The following PKNOX2 variants were observed in gnomAD, a reference collection of about 807,000 sequenced individuals.
The protein encoded by PKNOX2 is homeobox protein PKNOX2.
Under a neutral mutation model 53.1 loss-of-function variants are expected in PKNOX2, and 14 were observed. That is an observed-to-expected ratio of 0.26 (90% confidence interval 0.17 to 0.41). The LOEUF (loss-of-function observed/expected upper bound fraction) is 0.41. PKNOX2 is among the 10% of genes least tolerant of loss of function. The probability of loss-of-function intolerance (pLI) is 1.00; values close to 1 mark genes in which losing one functional copy is unlikely to be tolerated. For synonymous variants in PKNOX2, 257 were observed against 242.8 expected (o/e 1.06, Z -0.54); for missense variants, 496 against 602.8 (o/e 0.82, Z 1.85).
chr11:125,209,769 G>A (rs985656417), intron 1 of PKNOX2, among the ~76,000 whole-genome samples: 5 of 151,916 alleles, frequency 3.3e-5, no homozygotes, highest in African/African-American at 9.7e-5. Flanking sequence ...GCAAAAGGGC[G>A]CCTCTCCCAA....
chr11:125,193,186 A>G (rs1956983011), intron 1 of PKNOX2, among the ~76,000 whole-genome samples: 1 of 152,242 alleles, frequency 6.6e-6, no homozygotes, highest in African/African-American at 2.4e-5. Context: ...CCAAGCTTAC[A>G]AGACCAGTTT....
intron 1 of PKNOX2, among the ~76,000 whole-genome samples, chr11:125,213,619 A>G (rs1940135722): frequency 6.6e-6 from 1 of 151,838 alleles, no homozygotes; most frequent in Non-Finnish European, 1.5e-5. Flanking sequence ...CACCACACCC[A>G]GCTAATTTTT....
intron 2 of PKNOX2, among the ~76,000 whole-genome samples, chr11:125,250,038 C>A (rs11219988): frequency 2.8e-5 from 4 of 140,390 alleles, no homozygotes; most frequent in Admixed American, 7.6e-5. Flanking sequence ...GCATTCCAGC[C>A]TGGGCAACAG....
chr11:125,235,254 A>G (rs765523593), intron 2 of PKNOX2, 139 bp downstream of exon 2: 1 of 152,700 alleles, frequency 6.5e-6, no homozygotes, highest in Non-Finnish European at 1.5e-5. Flanking sequence ...TGTAATATAC[A>G]GTGGAGCTCT....
intron 1 of PKNOX2, among the ~76,000 whole-genome samples, chr11:125,186,210 G>A (rs891353653): frequency 6.6e-6 from 1 of 152,074 alleles, no homozygotes; most frequent in African/African-American, 2.4e-5. Flanking sequence ...ACAGCTAGTC[G>A]AATTCTATGC....
chr11:125,275,045 G>A (rs945234206), intron 2 of PKNOX2, among the ~76,000 whole-genome samples: 9 of 152,220 alleles, frequency 5.9e-5, no homozygotes, highest in African/African-American at 2.2e-4. Context: ...TGCTGAACAA[G>A]ACAAGGGTCC....
chr11:125,222,613 A>C (rs12796874), intron 1 of PKNOX2, among the ~76,000 whole-genome samples: 2 of 99,380 alleles, frequency 2.0e-5, no homozygotes, highest in East Asian at 2.8e-4. Context: ...GTCTGTGTGT[A>C]TGTGTGTGTA....
intron 2 of PKNOX2, among the ~76,000 whole-genome samples, chr11:125,263,917 C>T (rs1402116671): frequency 6.6e-6 from 1 of 152,158 alleles, no homozygotes; most frequent in Admixed American, 6.5e-5. Flanking sequence ...TAAGGGGGTG[C>T]GGGGAGGGGG....
intron 2 of PKNOX2, among the ~76,000 whole-genome samples, chr11:125,282,389 C>A (rs1031688103): frequency 6.6e-6 from 1 of 152,218 alleles, no homozygotes; most frequent in South Asian, 2.1e-4. Context: ...AGGACTGGCA[C>A]GTCCCAGTCT....
rs1310114135 is a variant in PKNOX2 at position 125,166,037 on chromosome 11, G to T, written c.-201+1261G>T. 6.6e-6 allele frequency among the ~76,000 whole-genome samples: 1 copy of T among 152,132 alleles called. No homozygotes were observed. Among genetic ancestry groups the T allele is most frequent in the Non-Finnish European group, 1.5e-5 (1 of 68,022 alleles). ...TTGAGGGGTAGGGGCTTGTGGATCGGCCTGAATTAGGGCTGGGTTTTAGGA... is the reference window on the plus strand; with the variant it reads ...TTGAGGGGTAGGGGCTTGTGGATCGTCCTGAATTAGGGCTGGGTTTTAGGA... On this transcript the variant is annotated intron_variant, in intron 1 of 12. Coordinates refer to ENST00000298282, the MANE Select transcript of PKNOX2 (RefSeq NM_001382323.2). The surrounding 1 kb of genome is among the most constrained non-coding windows in gnomAD (Gnocchi z 4.0).
intron 10 of PKNOX2, among the ~76,000 whole-genome samples, chr11:125,419,207 G>A (rs1012436928): frequency 1.3e-5 from 2 of 151,928 alleles, no homozygotes; most frequent in Non-Finnish European, 2.9e-5. Flanking sequence ...GTTTGCCCTT[G>A]TGAAGCCTCT....
At chr11:125,282,785 G>A (rs1479397956) in intron 2 of PKNOX2, among the ~76,000 whole-genome samples, 1 of 152,224 alleles carries the variant, frequency 6.6e-6, no homozygotes, top group African/African-American at 2.4e-5. Context: ...GGCCAATTTG[G>A]TAGTCACTAT....
chr11:125,331,489 C>T (rs1329547613), intron 2 of PKNOX2: 2 of 152,216 alleles, frequency 1.3e-5, no homozygotes, highest in African/African-American at 4.8e-5. Context: ...TGTGGTCTTC[C>T]CAGCACCGCA....
At chr11:125,428,419 A>T (rs1180214388) in intron 10 of PKNOX2, among the ~76,000 whole-genome samples, 2 of 152,108 alleles carry the variant, frequency 1.3e-5, no homozygotes, top group African/African-American at 4.8e-5. Context: ...TGCCTTTCAG[A>T]GTTTCAATGA....
intron 1 of PKNOX2, among the ~76,000 whole-genome samples, chr11:125,169,064 A>T (rs936987054): frequency 6.6e-6 from 1 of 152,202 alleles, no homozygotes; most frequent in African/African-American, 2.4e-5. Context: ...GCTGTGTGGC[A>T]CAAGGACTGC....
chr11:125,182,821 C>T (rs1956227468), intron 1 of PKNOX2, among the ~76,000 whole-genome samples: 2 of 152,118 alleles, frequency 1.3e-5, no homozygotes, highest in African/African-American at 2.4e-5. Context: ...TTTGTGGAGA[C>T]AGAGGTATAG....
At chr11:125,187,242 T>C (rs954534537) in intron 1 of PKNOX2, among the ~76,000 whole-genome samples, 8 of 152,236 alleles carry the variant, frequency 5.3e-5, no homozygotes, top group Admixed American at 3.9e-4. Flanking sequence ...TTCCGTTTTT[T>C]TTCAAGAGAC....
intron 2 of PKNOX2, among the ~76,000 whole-genome samples, chr11:125,248,884 T>A (rs113398186): frequency 7.1e-6 from 1 of 139,878 alleles, no homozygotes; most frequent in Non-Finnish European, 1.5e-5. Flanking sequence ...CGTATATATA[T>A]AACATATATA....
chr11:125,386,158 T>G (rs1385120036), intron 6 of PKNOX2, among the ~76,000 whole-genome samples: 1 of 152,218 alleles, frequency 6.6e-6, no homozygotes, highest in Non-Finnish European at 1.5e-5. Flanking sequence ...TGGAGCACAT[T>G]AATCGAGAGA....
Sources: gnomAD v4.1 joint callset for allele counts (sites outside exome capture counted in the v4.1 genomes callset) on GRCh38, gnomAD v4.1.1 for gene constraint, Gnocchi (gnomAD v3.1) non-coding constraint, MANE v1.5 for transcripts, NCBI Gene and HGNC (gene_info 2026-07-23, HGNC 2026-07-21) for gene names.